LRP2: variants seen among roughly 807,000 people sequenced by gnomAD.
The protein encoded by LRP2 is LDL receptor related protein 2.
LRP2 carries 172 observed loss-of-function variants against 531.0 expected under a neutral mutation model. The ratio of observed to expected loss-of-function variants is 0.32; its 90% CI spans 0.29 to 0.37. The LOEUF is 0.37. Among genes scored for constraint, LRP2 ranks in the 10% least tolerant of loss-of-function variants. The probability of loss-of-function intolerance (pLI) is 1.00; values close to 1 mark genes in which losing one functional copy is unlikely to be tolerated. For synonymous variants in LRP2, 1,992 were observed against 2,027.6 expected, an observed-to-expected ratio of 0.98 and a Z score of 0.47; for missense variants, 5,167 against 5,868.3, an observed-to-expected ratio of 0.88 and a Z score of 3.90.
intron 9 of LRP2, among the ~76,000 whole-genome samples, chr2:169,286,685 G>A (rs775116493): frequency 6.6e-5 from 10 of 152,086 alleles, no homozygotes; most frequent in Non-Finnish European, 1.3e-4. Context: ...GCTCTAGGGT[G>A]GAACAAAAAA....
At position 169,162,611 on chromosome 2, in the gene LRP2, A is replaced by C. The variant is rs17848191; in HGVS notation, c.11759-11T>G. 7,897 of 1,613,952 alleles carry C rather than the reference A, an allele frequency of 4.9e-3. 268 individuals carry two copies. The African/African-American group carries it at 0.083, about 17-fold the overall frequency. ...GGGTCGGTTTTCTACCTGCAATGTAAAAACAAGTTAAAATCAAAACTTTTT... is the reference window on the plus strand; with the variant it reads ...GGGTCGGTTTTCTACCTGCAATGTACAAACAAGTTAAAATCAAAACTTTTT... On this transcript the variant is annotated splice_polypyrimidine_tract_variant and intron_variant, in intron 62 of 78. Transcript: ENST00000649046.
chr2:169,268,850 AACC>A (rs1298998422), intron 16 of LRP2, among the ~76,000 whole-genome samples: 1 of 152,182 alleles, frequency 6.6e-6, no homozygotes, highest in African/African-American at 2.4e-5. Flanking sequence ...ATATTTAGAA[AACC>A]CCATCATCTC....
chr2:169,167,076 T>C (rs1261088053), intron 61 of LRP2, among the ~76,000 whole-genome samples: 1 of 152,226 alleles, frequency 6.6e-6, no homozygotes, highest in South Asian at 2.1e-4. Flanking sequence ...AACCTTTTAA[T>C]GTAGCTGTGT....
chr2:169,244,559 T>A, intron 22 of LRP2, 134 bp downstream of exon 22: 1 of 1,201,124 alleles, frequency 8.3e-7, no homozygotes, highest in South Asian at 1.2e-5. Context: ...GACACAGAGA[T>A]TGACAAGTGG....
intron 68 of LRP2, among the ~76,000 whole-genome samples, chr2:169,147,698 T>G (rs371492089): frequency 6.6e-6 from 1 of 152,194 alleles, no homozygotes; most frequent in East Asian, 1.9e-4. Context: ...TGATCTCACA[T>G]TGAATTACCT....
rs1053096151 is a variant in LRP2, at chr2:169,275,071, C to T, written c.1940G>A (p.Gly647Glu). 1.2e-6 allele frequency: 2 copies of T among 1,613,514 alleles called. No individual in the cohort carries two copies. Among genetic ancestry groups the T allele is most frequent in the Non-Finnish European group, 1.7e-6 (2 of 1,179,780 alleles). Residue 647 changes from glycine (G) to glutamate (E), a missense_variant, in exon 14 of 79, where the codon GGA becomes GAA. Transcript: ENST00000649046. The part of the protein sequence containing the change: ...VYYQASLRPY[G>E]VTVYHSLRQP... ...TCTGAGGGAATGGTAAACAGTCACT[C>T]CATAGGGCCTCAGGGAAGCCTGGTA...
Position 169,139,414 on chromosome 2 carries a change from C to A in LRP2, c.13268-43G>T, listed in dbSNP as rs763074927. 4 of 1,613,986 alleles carry A rather than the reference C, an allele frequency of 2.5e-6. No homozygotes were observed. The Admixed American group carries it at 6.7e-5, about 27-fold the overall frequency. On this transcript the variant is annotated intron_variant, in intron 73 of 78. Transcript: ENST00000649046. ...AGAGAGCACATCAACACATGGGAGC[C>A]CGCAATCCTGGCAGAAACTGGGGGC...
At chr2:169,145,678 A>G in intron 70 of LRP2, 69 bp downstream of exon 70, 1 of 1,460,832 alleles carries the variant, frequency 6.8e-7, no homozygotes, top group South Asian at 1.1e-5. Flanking sequence ...TCTTCCAGCA[A>G]TATAGCCATT....
intron 74 of LRP2, 68 bp from the exon 75 acceptor site, chr2:169,138,774 C>A: frequency 1.3e-6 from 2 of 1,571,600 alleles, no homozygotes; most frequent in South Asian, 2.2e-5. Flanking sequence ...ACAAATACAA[C>A]CTTTCACAAT....
intron 17 of LRP2, 36 bp downstream of exon 17, chr2:169,258,989 A>C: frequency 6.3e-7 from 1 of 1,588,226 alleles, no homozygotes; most frequent in Non-Finnish European, 8.6e-7. Context: ...AAAGACATAC[A>C]GTTTCAAGCT....
intron 35 of LRP2, 113 bp from the exon 36 acceptor site, chr2:169,213,983 C>T (rs1035982747): frequency 2.1e-5 from 16 of 748,190 alleles, no homozygotes; most frequent in African/African-American, 1.9e-4. Flanking sequence ...CCCTCTATCC[C>T]TTACAGAGAT....
At chr2:169,258,880 A>G (rs1690418998) in intron 17 of LRP2, 145 bp downstream of exon 17, 2 of 776,990 alleles carry the variant, frequency 2.6e-6, no homozygotes, top group Admixed American at 2.8e-5. Flanking sequence ...TTTGGAGGAA[A>G]AAAGAAATAA....
Position 169,198,908 on chromosome 2 carries a change from T to C in LRP2, c.8456A>G (p.Asp2819Gly), listed in dbSNP as rs1688094173. The C allele has an allele frequency of 6.2e-7, 1 of 1,613,348 alleles. No individual in the cohort carries two copies. Among genetic ancestry groups the C allele is most frequent in the Non-Finnish European group, 8.5e-7 (1 of 1,179,580 alleles). ...TGTGTATCCAGACTGGCAAGTGCGA[T>C]CAGCTTGAAAAAGACAACCAGATAA... is the stretch of plus-strand genomic sequence containing the variant. ...NNTSDEKNCP[D>G]RTCQSGYTKC... is the part of the protein sequence containing the mutation. The change falls in exon 45 of 79, where the codon GAT (aspartate) becomes GGT (glycine). Residue 2819 changes from aspartate to glycine, a missense_variant. By Grantham distance (94) the Asp-to-Gly change is moderately conservative (BLOSUM62 -1). Around this residue, in one of 6 missense-constraint regions of LRP2, gnomAD observed 1,129 missense variants for 1,362.7 expected, o/e 0.83. Transcript: ENST00000649046.
chr2:169,237,977 G>C (rs1432696328), intron 27 of LRP2, 114 bp downstream of exon 27: 2 of 848,320 alleles, frequency 2.4e-6, no homozygotes, highest in South Asian at 2.8e-5. Context: ...TGGCCCAGAA[G>C]GTACCATGAG....
At chr2:169,218,220 T>C (rs1312707699) in intron 34 of LRP2, among the ~76,000 whole-genome samples, 1 of 152,160 alleles carries the variant, frequency 6.6e-6, no homozygotes, top group African/African-American at 2.4e-5. Flanking sequence ...CTTCTAATTG[T>C]CTCCCAACCC....
At chr2:169,138,836 C>G (rs1685615404) in intron 74 of LRP2, 130 bp from the exon 75 acceptor site, 3 of 1,042,344 alleles carry the variant, frequency 2.9e-6, no homozygotes, top group Non-Finnish European at 4.3e-6. Flanking sequence ...ATGCTCAATT[C>G]CCACTCTAAA....
chr2:169,331,030 T>A (rs1685250635), intron 1 of LRP2, among the ~76,000 whole-genome samples: 1 of 152,096 alleles, frequency 6.6e-6, no homozygotes, highest in African/African-American at 2.4e-5. Context: ...AGAATCTAAT[T>A]TCCAGGAAGG....
chr2:169,321,334 C>A (rs1001681309), intron 1 of LRP2, among the ~76,000 whole-genome samples: 1 of 151,826 alleles, frequency 6.6e-6, no homozygotes, highest in Non-Finnish European at 1.5e-5. Flanking sequence ...TTGTTTACAT[C>A]TTTATATTGA....
intron 58 of LRP2, 27 bp downstream of exon 58, chr2:169,171,988 A>G: frequency 6.2e-7 from 1 of 1,613,714 alleles, no homozygotes; most frequent in Non-Finnish European, 8.5e-7. Flanking sequence ...GGTGGTATAT[A>G]AGGACCATAG....
Sources: gnomAD v4.1 joint callset for allele counts (sites outside exome capture counted in the v4.1 genomes callset) on GRCh38, gnomAD v4.1.1 for gene constraint, gnomAD v4.1.1 regional missense constraint, MANE v1.5 for transcripts, NCBI Gene and HGNC (gene_info 2026-07-23, HGNC 2026-07-21) for gene names.